Variants in LYPD6 observed in about 807,000 individuals in gnomAD.
The protein encoded by LYPD6 is LY6/PLAUR domain containing 6, also known as ly6/PLAUR domain-containing protein 6.
A neutral mutation model predicts 22.7 loss-of-function variants in LYPD6; 15 were observed. The ratio of observed to expected loss-of-function variants is 0.66; its 90% CI spans 0.44 to 1.02. The LOEUF is 1.02. LYPD6 is among the 50% of genes least tolerant of loss of function. LYPD6 has a pLI of 0.00. For missense variants in LYPD6, 189 were observed against 208.4 expected (o/e 0.91, Z 0.57); for synonymous variants, 72 against 77.5 (o/e 0.93, Z 0.37).
At chr2:149,368,880 G>C (rs1040440931) in intron 1 of LYPD6, among the ~76,000 whole-genome samples, 2 of 152,152 alleles carry the variant, frequency 1.3e-5, no homozygotes, top group Non-Finnish European at 2.9e-5. Context: ...TTAGATTTCT[G>C]ACTTTAGTGA....
intron 3 of LYPD6, among the ~76,000 whole-genome samples, chr2:149,452,869 C>T (rs1414314773): frequency 6.6e-6 from 1 of 152,158 alleles, no homozygotes; most frequent in East Asian, 1.9e-4. Context: ...TTGGCAGTGG[C>T]GGCATCAGCT....
rs1389334906 is a variant in LYPD6, at chr2:149,473,018, A to G, written c.*2168A>G. On this transcript the variant is annotated 3_prime_UTR_variant, in exon 5 of 5. Transcript: ENST00000334166. ...GAGTAGGGGTTTGGCTTCCTCATTCATCCCTCTTGCTAAAAGAGGAGATAG... is the reference window on the plus strand; with the variant it reads ...GAGTAGGGGTTTGGCTTCCTCATTCGTCCCTCTTGCTAAAAGAGGAGATAG... 1.3e-5 allele frequency: 2 copies of G among 152,516 alleles called. No homozygotes were observed. The highest frequency in any genetic ancestry group is 2.9e-5 in the Non-Finnish European group (2 of 68,032). 9.4% of individuals were successfully genotyped at this position (152,516 alleles called of 1,614,324 possible). A position where few individuals can be genotyped will look rare whatever the true frequency, so the allele number is the denominator to read the frequency against.
intron 1 of LYPD6, among the ~76,000 whole-genome samples, chr2:149,343,347 C>G (rs778470419): frequency 6.6e-6 from 1 of 152,118 alleles, no homozygotes; most frequent in African/African-American, 2.4e-5. Context: ...AAAAACTTTT[C>G]GATCCTATCT....
intron 1 of LYPD6, among the ~76,000 whole-genome samples, chr2:149,399,468 C>A (rs984502182): frequency 2.0e-5 from 3 of 151,572 alleles, no homozygotes; most frequent in Non-Finnish European, 4.4e-5. Flanking sequence ...CTTAGTAATC[C>A]TATGGATTTC....
chr2:149,440,937 C>A (rs557495487), intron 2 of LYPD6, among the ~76,000 whole-genome samples: 1 of 151,984 alleles, frequency 6.6e-6, no homozygotes, highest in African/African-American at 2.4e-5. Flanking sequence ...CATCTCCTGA[C>A]CTTGTGATCT....
At chr2:149,416,624 C>T (rs894804501) in intron 1 of LYPD6, among the ~76,000 whole-genome samples, 1 of 152,168 alleles carries the variant, frequency 6.6e-6, no homozygotes, top group African/African-American at 2.4e-5. Context: ...TCCCTTACAA[C>T]GCCCAGAGTT....
chr2:149,468,233 C>T (rs552586964), intron 3 of LYPD6, among the ~76,000 whole-genome samples: 2 of 150,718 alleles, frequency 1.3e-5, no homozygotes, highest in Non-Finnish European at 1.5e-5. Flanking sequence ...CTACTGTTAC[C>T]TGCCTAACTC....
chr2:149,368,760 T>C (rs575023564), intron 1 of LYPD6, among the ~76,000 whole-genome samples: 54 of 151,890 alleles, frequency 3.6e-4, no homozygotes, highest in Admixed American at 2.6e-3. Context: ...TACAGTGAAG[T>C]CAGAGGAAGA....
chr2:149,438,016 T>G (rs537246038), intron 2 of LYPD6, among the ~76,000 whole-genome samples, 190 bp downstream of exon 2: 11 of 152,096 alleles, frequency 7.2e-5, no homozygotes, highest in Non-Finnish European at 1.3e-4. Context: ...TTTGGTGGTG[T>G]TAAGGCAAAT....
intron 1 of LYPD6, among the ~76,000 whole-genome samples, chr2:149,381,981 T>G (rs1389980959): frequency 6.6e-6 from 1 of 152,228 alleles, no homozygotes; most frequent in Admixed American, 6.5e-5. Context: ...TTGCTCTGAA[T>G]AGTCCTAGAG....
At chr2:149,427,814 G>A (rs1311283487) in intron 1 of LYPD6, among the ~76,000 whole-genome samples, 1 of 152,194 alleles carries the variant, frequency 6.6e-6, no homozygotes, top group Admixed American at 6.5e-5. Context: ...ATTTCTCAGA[G>A]CGTATCCTCG....
the LYPD6 span, among the ~76,000 whole-genome samples, chr2:149,481,699 A>G: frequency 2.0e-5 from 3 of 152,226 alleles, no homozygotes; most frequent in Non-Finnish European, 4.4e-5. Context: ...CTAAAGCCAT[A>G]TGTTCAATGT....
chr2:149,423,612 A>G (rs561500577), intron 1 of LYPD6, among the ~76,000 whole-genome samples: 1 of 152,258 alleles, frequency 6.6e-6, no homozygotes, highest in South Asian at 2.1e-4. Flanking sequence ...ATTGTTTACC[A>G]GCTTTTTTCT....
intron 1 of LYPD6, among the ~76,000 whole-genome samples, chr2:149,347,199 AGAGAG>A (rs1681274243): frequency 6.6e-6 from 1 of 152,088 alleles, no homozygotes. Flanking sequence ...TGGAGGAAGA[AGAGAG>A]AAGAGAGAGA....
intron 1 of LYPD6, among the ~76,000 whole-genome samples, chr2:149,429,647 G>A (rs774926572): frequency 4.6e-5 from 7 of 152,240 alleles, no homozygotes; most frequent in Non-Finnish European, 8.8e-5. Context: ...CTGGAAGCCA[G>A]TAACAATCAT....
At chr2:149,346,205 T>G (rs2105053906) in intron 1 of LYPD6, among the ~76,000 whole-genome samples, 1 of 152,366 alleles carries the variant, frequency 6.6e-6, no homozygotes, top group African/African-American at 2.4e-5. Flanking sequence ...AAATATTTTT[T>G]TTTGTAACTC....
intron 1 of LYPD6, among the ~76,000 whole-genome samples, chr2:149,338,056 G>T (rs1355168570): frequency 7.0e-6 from 1 of 142,356 alleles, no homozygotes; most frequent in Non-Finnish European, 1.6e-5. Context: ...TTGATTCCAT[G>T]TATTTGCATT....
At chr2:149,383,288 A>G (rs1196683) in intron 1 of LYPD6, among the ~76,000 whole-genome samples, 86,135 of 152,026 alleles carry the variant, frequency 0.57, 26,909 homozygotes, top group East Asian at 0.9. Context: ...GGTCAAAAAC[A>G]GAGTGTTCAT....
chr2:149,399,826 A>T (rs1465866511), intron 1 of LYPD6, among the ~76,000 whole-genome samples: 1 of 152,184 alleles, frequency 6.6e-6, no homozygotes, highest in Non-Finnish European at 1.5e-5. Context: ...GGAAGAACAG[A>T]ATCCTTCATA....
Sources: gnomAD v4.1 joint callset for allele counts (sites outside exome capture counted in the v4.1 genomes callset) on GRCh38, gnomAD v4.1.1 for gene constraint, MANE v1.5 for transcripts, NCBI Gene and HGNC (gene_info 2026-07-23, HGNC 2026-07-21) for gene names.